FGF12: variants seen among roughly 807,000 people sequenced by gnomAD.
FGF12 encodes fibroblast growth factor 12, also known as fibroblast growth factor 12B.
FGF12 carries 14 observed loss-of-function variants against 23.6 expected under a neutral mutation model. The observed-to-expected ratio is 0.59, with a 90% CI of 0.39 to 0.93. The LOEUF is 0.93. FGF12 is among the 40% of genes least tolerant of loss of function. The pLI, the probability that FGF12 is intolerant of heterozygous loss-of-function variation, is 0.00. For synonymous variants in FGF12, 62 were observed against 77.3 expected, an observed-to-expected ratio of 0.80 and a Z score of 1.04; for missense variants, 175 against 217.8, an observed-to-expected ratio of 0.80 and a Z score of 1.24.
intron 4 of FGF12, among the ~76,000 whole-genome samples, chr3:192,272,721 T>C (rs1178236644): frequency 6.6e-6 from 1 of 152,136 alleles, no homozygotes; most frequent in African/African-American, 2.4e-5. Flanking sequence ...AATGTGCACA[T>C]TGAAAGAGAG....
intron 2 of FGF12, among the ~76,000 whole-genome samples, chr3:192,472,458 T>G (rs1723202265): frequency 6.6e-6 from 1 of 152,110 alleles, no homozygotes; most frequent in South Asian, 2.1e-4. Flanking sequence ...CACTGTCACT[T>G]CCACATGGTA....
At chr3:192,455,212 ACT>A (rs1722642704) in intron 2 of FGF12, among the ~76,000 whole-genome samples, 2 of 152,264 alleles carry the variant, frequency 1.3e-5, no homozygotes, top group South Asian at 2.1e-4. Flanking sequence ...AGACATAGAA[ACT>A]CTTTGGAGGA....
chr3:192,364,433 G>A (rs1022304971), intron 2 of FGF12, among the ~76,000 whole-genome samples: 2 of 152,138 alleles, frequency 1.3e-5, no homozygotes, highest in Non-Finnish European at 2.9e-5. Flanking sequence ...GCTCTAAAGT[G>A]GTGTGGCAAA....
At chr3:192,540,766 C>T (rs1725345447) in intron 2 of FGF12, among the ~76,000 whole-genome samples, 2 of 152,114 alleles carry the variant, frequency 1.3e-5, no homozygotes, top group Admixed American at 6.5e-5. Context: ...ATGTTGGAGT[C>T]TATCTTTCTC....
rs138332474 is a variant in FGF12, at chr3:192,305,453, C to T, written c.228+29908G>A. 4.1e-3 allele frequency among the ~76,000 whole-genome samples: 616 copies of T among 151,980 alleles called. 6 individuals are homozygous for T. Among genetic ancestry groups the T allele is most frequent in the African/African-American group, 0.014 (578 of 41,436 alleles). ...CTATATACCTCCCACTCCTTCTCTG[C>T]CTCCCAGCCAGATTCTACACGTCAG... On this transcript the variant is annotated intron_variant, in intron 4 of 5. Coordinates refer to ENST00000445105, the MANE Select transcript of FGF12 (RefSeq NM_004113.6).
chr3:192,683,812 T>C (rs1440405382), intron 2 of FGF12, among the ~76,000 whole-genome samples: 1 of 152,188 alleles, frequency 6.6e-6, no homozygotes, highest in Non-Finnish European at 1.5e-5. Flanking sequence ...GGCAACAGAA[T>C]TGAAATCACT....
chr3:192,710,979 C>T (rs1718647063), intron 2 of FGF12, among the ~76,000 whole-genome samples: 1 of 152,164 alleles, frequency 6.6e-6, no homozygotes. Flanking sequence ...AGGAGCTCCA[C>T]AGTGAAAAGC....
At chr3:192,725,285 T>G (rs1271074552) in intron 2 of FGF12, among the ~76,000 whole-genome samples, 1 of 65,752 alleles carries the variant, frequency 1.5e-5, no homozygotes, top group Non-Finnish European at 2.6e-5. Context: ...TTTCATCATG[T>G]TTTTTTTTTT....
intron 4 of FGF12, among the ~76,000 whole-genome samples, chr3:192,278,823 T>C (rs1713961431): frequency 6.6e-6 from 1 of 152,150 alleles, no homozygotes; most frequent in African/African-American, 2.4e-5. Flanking sequence ...CCCCAGATTC[T>C]TACTGAAGTA....
intron 4 of FGF12, among the ~76,000 whole-genome samples, chr3:192,255,550 G>A (rs763879451): frequency 6.6e-5 from 10 of 151,938 alleles, no homozygotes; most frequent in Admixed American, 2.0e-4. Context: ...TCCAATTCAC[G>A]TTTGGTATAA....
At chr3:192,672,493 G>A (rs1717161779) in intron 2 of FGF12, among the ~76,000 whole-genome samples, 1 of 150,570 alleles carries the variant, frequency 6.6e-6, no homozygotes, top group Admixed American at 6.7e-5. Context: ...CGTGCAGCTT[G>A]GAAAGATGCA....
At chr3:192,575,025 T>A (rs1280605248) in intron 2 of FGF12, among the ~76,000 whole-genome samples, 1 of 152,252 alleles carries the variant, frequency 6.6e-6, no homozygotes, top group Non-Finnish European at 1.5e-5. Flanking sequence ...CAGACTATGG[T>A]ATATCCATAC....
intron 2 of FGF12, among the ~76,000 whole-genome samples, chr3:192,635,360 A>G (rs1476298847): frequency 6.6e-6 from 1 of 152,172 alleles, no homozygotes; most frequent in Admixed American, 6.5e-5. Flanking sequence ...ATTGTGTTTT[A>G]AAAATCACTG....
intron 2 of FGF12, among the ~76,000 whole-genome samples, chr3:192,474,905 G>GAAAA (rs1723275727): frequency 6.8e-6 from 1 of 148,100 alleles, no homozygotes; most frequent in African/African-American, 2.5e-5. Flanking sequence ...AAAAAAGAAA[G>GAAAA]AAAGGAAAAA....
At chr3:192,448,756 G>T (rs151329938) in intron 2 of FGF12, among the ~76,000 whole-genome samples, 1 of 152,070 alleles carries the variant, frequency 6.6e-6, no homozygotes. Flanking sequence ...ATGTATTCTG[G>T]CATATCATTA....
At chr3:192,580,537 G>A (rs959714994) in intron 2 of FGF12, among the ~76,000 whole-genome samples, 25 of 152,240 alleles carry the variant, frequency 1.6e-4, no homozygotes, top group African/African-American at 6.0e-4. Context: ...GAGGAAAATT[G>A]GTCTATGTCC....
chr3:192,530,233 A>G (rs1577038545), intron 2 of FGF12, among the ~76,000 whole-genome samples: 1 of 151,972 alleles, frequency 6.6e-6, no homozygotes, highest in Non-Finnish European at 1.5e-5. Context: ...TGGACCTAGG[A>G]TTACCTCTCA....
chr3:192,481,574 C>T (rs1163224332), intron 2 of FGF12, among the ~76,000 whole-genome samples: 3 of 152,196 alleles, frequency 2.0e-5, no homozygotes, highest in Non-Finnish European at 4.4e-5. Context: ...TGTTCAGTGG[C>T]ATCCACACTA....
rs1447256289 is a variant in FGF12 at position 192,408,985 on chromosome 3, T to C, written c.14-48447A>G. 1.0e-6 allele frequency: 1 copy of C among 973,240 alleles called. No homozygotes were observed. The highest frequency in any genetic ancestry group is 1.2e-6 in the Non-Finnish European group (1 of 825,992). 60.3% of individuals were successfully genotyped at this position (973,240 alleles called of 1,614,324 possible). On this transcript the variant is annotated intron_variant, in intron 2 of 5. Coordinates refer to ENST00000445105, the MANE Select transcript of FGF12 (RefSeq NM_004113.6). This position sits in a 1 kb window ranked among gnomAD's most constrained non-coding sequence, Gnocchi z 7.3. Reference sequence around the variant, plus strand: ...TGGGAGCGGTTACCCGGAGTCTGGGTAGGGGCGCGGGGCGGGGGCAGCTGT... The same window carrying C: ...TGGGAGCGGTTACCCGGAGTCTGGGCAGGGGCGCGGGGCGGGGGCAGCTGT...
Sources: allele counts gnomAD v4.1 joint callset (sites outside exome capture counted in the v4.1 genomes callset), GRCh38; gene constraint gnomAD v4.1.1; non-coding constraint Gnocchi (gnomAD v3.1); transcripts MANE v1.5; gene names NCBI Gene and HGNC (gene_info 2026-07-23, HGNC 2026-07-21).